The following COG3 variants were observed in gnomAD, a reference collection of about 807,000 sequenced individuals.
COG3 encodes conserved oligomeric Golgi complex subunit 3.
Under a neutral mutation model 114.1 loss-of-function variants are expected in COG3, and 32 were observed. The observed-to-expected ratio is 0.28, with a 90% CI of 0.21 to 0.38. The LOEUF (loss-of-function observed/expected upper bound fraction) is 0.38, where lower values mean the gene tolerates loss of function less well. Among genes scored for constraint, COG3 ranks in the 10% least tolerant of loss-of-function variants. The pLI, the probability that COG3 is intolerant of heterozygous loss-of-function variation, is 1.00. For missense variants in COG3, 813 were observed against 973.2 expected (o/e 0.84, Z 2.19); for synonymous variants, 352 against 365.7 (o/e 0.96, Z 0.43).
At chr13:45,494,864 C>CTTTTTT (rs56330728) in intron 12 of COG3, among the ~76,000 whole-genome samples, 2 of 131,786 alleles carry the variant, frequency 1.5e-5, no homozygotes, top group Non-Finnish European at 3.1e-5. Context: ...TTTCTCTTTT[C>CTTTTTT]TTTTTTTTTT....
chr13:45,505,462 C>T (rs1322715719), intron 14 of COG3, among the ~76,000 whole-genome samples: 1 of 151,586 alleles, frequency 6.6e-6, no homozygotes, highest in Non-Finnish European at 1.5e-5. Flanking sequence ...CCAGCACGCC[C>T]AGATAATTTT....
At chr13:45,470,365 A>C (rs1457153355) in intron 1 of COG3, among the ~76,000 whole-genome samples, 2 of 152,174 alleles carry the variant, frequency 1.3e-5, no homozygotes, top group Non-Finnish European at 2.9e-5. Context: ...GAGATTTATT[A>C]CCTATTCAAA....
intron 13 of COG3, among the ~76,000 whole-genome samples, chr13:45,500,071 T>A (rs1033154007): frequency 4.3e-5 from 2 of 46,276 alleles, no homozygotes; most frequent in Non-Finnish European, 9.6e-5. Context: ...TGTGTGAGTG[T>A]GTGTGTGTGT....
At chr13:45,525,259 T>G (rs1327748691) in intron 20 of COG3, among the ~76,000 whole-genome samples, 1 of 148,774 alleles carries the variant, frequency 6.7e-6, no homozygotes, top group African/African-American at 2.4e-5. Flanking sequence ...AAGGAAGAAT[T>G]TTTTTTTTTT....
chr13:45,536,523 T>C lies in COG3; in HGVS notation c.*1792T>C, dbSNP rs942082570. The C allele has an allele frequency of 6.6e-6, 1 of 152,214 alleles. No individual in the cohort carries two copies. Among genetic ancestry groups the C allele is most frequent in the African/African-American group, 2.4e-5 (1 of 41,450 alleles). 9.4% of individuals were successfully genotyped at this position (152,214 alleles called of 1,614,324 possible). ...TTTAAGTGTTCACTTATACAAAGAG[T>C]GTATATACTTTCAAATAATTTAAAA... On this transcript the variant is annotated 3_prime_UTR_variant, in exon 23 of 23. Transcript: ENST00000349995.
Position 45,496,163 on chromosome 13 carries a change from G to A in COG3, c.1339G>A (p.Gly447Arg), listed in dbSNP as rs760452344. 1.9e-6 allele frequency: 3 copies of A among 1,606,890 alleles called. No homozygotes were observed. Among genetic ancestry groups the A allele is most frequent in the Non-Finnish European group, 1.7e-6 (2 of 1,175,866 alleles). The change falls in exon 13 of 23, where the codon GGG (glycine) becomes AGG (arginine). Residue 447 changes from glycine to arginine, a missense_variant. Gly to Arg is a moderately radical substitution (Grantham distance 125). Around this residue, in one of 2 missense-constraint regions of COG3, gnomAD observed 389 missense variants for 542.6 expected, o/e 0.72. Transcript: ENST00000349995. ...CACTTTTTTATCAGCTGAGCAACTGGGGGCATTTGCAGCTGGAGTCAAGCA... is the reference window on the plus strand; with the variant it reads ...CACTTTTTTATCAGCTGAGCAACTGAGGGCATTTGCAGCTGGAGTCAAGCA... ...DHVQNNAEQL[G>R]AFAAGVKQML... is the part of the protein sequence containing the mutation.
intron 1 of COG3, among the ~76,000 whole-genome samples, chr13:45,468,595 A>G (rs1885287689): frequency 6.6e-6 from 1 of 152,232 alleles, no homozygotes; most frequent in Admixed American, 6.5e-5. Context: ...GTTTTCTCCA[A>G]CCCAGAACTC....
chr13:45,488,474 T>C (rs1281090167), intron 8 of COG3, among the ~76,000 whole-genome samples: 1 of 152,156 alleles, frequency 6.6e-6, no homozygotes, highest in Non-Finnish European at 1.5e-5. Flanking sequence ...TATCAAAATA[T>C]CACATGTACC....
Position 45,468,894 on chromosome 13 carries a change from A to G in COG3, c.174+3684A>G, listed in dbSNP as rs77953157. On this transcript the variant is annotated intron_variant, in intron 1 of 22. Transcript: ENST00000349995. ...AGTGAATGAGAGGTCAGAACAGGAA[A>G]GTGTGTGATACCACCACACCCCTTT... 4.9e-3 allele frequency among the ~76,000 whole-genome samples: 739 copies of G among 152,334 alleles called. 5 individuals carry two copies. The highest frequency in any genetic ancestry group is 0.017 in the African/African-American group (710 of 41,564).
At chr13:45,532,207 T>C (rs1251952210) in intron 22 of COG3, 1 of 152,210 alleles carries the variant, frequency 6.6e-6, no homozygotes, top group Non-Finnish European at 1.5e-5. Flanking sequence ...TGGCTGTATA[T>C]ATTCCTTTAT....
chr13:45,508,495 T>G (rs1391030459), intron 14 of COG3, among the ~76,000 whole-genome samples: 1 of 151,396 alleles, frequency 6.6e-6, no homozygotes, highest in African/African-American at 2.4e-5. Context: ...TAAATATATA[T>G]TTTATGAACC....
At position 45,493,336 on chromosome 13, in the gene COG3, T is replaced by C. The variant is rs764589988; in HGVS notation, c.1188-11T>C. The C allele has an allele frequency of 1.9e-6, 3 of 1,601,360 alleles. No individual in the cohort carries two copies. The highest frequency in any genetic ancestry group is 2.2e-5 in the East Asian group (1 of 44,702). ...CTACTACTAATAGACATTTTTATTC[T>C]TTCATTTTAGTGAGCTTTTGGAGAA... On this transcript the variant is annotated splice_polypyrimidine_tract_variant and intron_variant, in intron 11 of 22. Coordinates refer to ENST00000349995, the MANE Select transcript of COG3 (RefSeq NM_031431.4).
rs918689364 is a variant in COG3 at position 45,534,846 on chromosome 13, G to A, written c.*115G>A. On this transcript the variant is annotated 3_prime_UTR_variant, in exon 23 of 23. Transcript: ENST00000349995. ...GTGGGAACGTCCCCGAGAACCACACGAGCGTGCTGCTCAGTGCTGACTGCA... is the reference window on the plus strand; with the variant it reads ...GTGGGAACGTCCCCGAGAACCACACAAGCGTGCTGCTCAGTGCTGACTGCA... 16 of 1,418,002 alleles carry A rather than the reference G, an allele frequency of 1.1e-5. No homozygotes were observed. The highest frequency in any genetic ancestry group is 3.1e-5 in the Admixed American group (1 of 31,946). 87.8% of individuals were successfully genotyped at this position (1,418,002 alleles called of 1,614,324 possible).
At chr13:45,487,139 G>T (rs879584334) in intron 8 of COG3, among the ~76,000 whole-genome samples, 17 of 152,096 alleles carry the variant, frequency 1.1e-4, no homozygotes, top group Admixed American at 2.6e-4. Flanking sequence ...TTTGATAAAA[G>T]CACCAAGAAC....
chr13:45,534,093 C>T (rs3014900), intron 22 of COG3, among the ~76,000 whole-genome samples: 103,831 of 152,080 alleles, frequency 0.68, 36,644 homozygotes, highest in Middle Eastern at 0.8. Context: ...CGTTACAGAG[C>T]GGGCAGGTTG....
chr13:45,500,429 C>T (rs1869401853), intron 13 of COG3, among the ~76,000 whole-genome samples: 1 of 152,144 alleles, frequency 6.6e-6, no homozygotes, highest in Admixed American at 6.6e-5. Context: ...TCTTTTGTCA[C>T]AAAGTGCCAA....
chr13:45,485,136 G>C (rs1475984108), intron 7 of COG3, among the ~76,000 whole-genome samples: 5 of 131,092 alleles, frequency 3.8e-5, no homozygotes, highest in Admixed American at 7.6e-5. Context: ...AGACGGGGCG[G>C]TGGCCGGGCA....
intron 1 of COG3, among the ~76,000 whole-genome samples, chr13:45,474,151 C>CTTTTTTTTTTTTTTTTTTTTTT (rs10558884): frequency 2.4e-5 from 2 of 82,014 alleles, no homozygotes; most frequent in South Asian, 4.7e-4. Flanking sequence ...CTTTTTTACT[C>CTTTTTTTTTTTTTTTTTTTTTT]TTTTTTTTTT....
chr13:45,521,996 G>A (rs1339405958), intron 19 of COG3, among the ~76,000 whole-genome samples: 1 of 151,846 alleles, frequency 6.6e-6, no homozygotes, highest in Non-Finnish European at 1.5e-5. Context: ...GTAGAGACGG[G>A]GTTTCACCAT....
Sources: gnomAD v4.1 joint callset for allele counts (sites outside exome capture counted in the v4.1 genomes callset) on GRCh38, gnomAD v4.1.1 for gene constraint, gnomAD v4.1.1 regional missense constraint, MANE v1.5 for transcripts, NCBI Gene and HGNC (gene_info 2026-07-23, HGNC 2026-07-21) for gene names.